NPHP4: variants seen among roughly 807,000 people sequenced by gnomAD.
NPHP4 encodes the protein nephrocystin 4, also known as nephrocystin-4.
NPHP4 carries 151 observed loss-of-function variants against 155.8 expected under a neutral mutation model. That is an observed-to-expected ratio of 0.97 (90% CI 0.85 to 1.11). The LOEUF is 1.11. NPHP4 is among the 50% of genes least tolerant of loss of function. The pLI is 0.00. For missense variants in NPHP4, 1,956 were observed against 1,925.7 expected, an observed-to-expected ratio of 1.02 and a Z score of -0.29; for synonymous variants, 845 against 816.8, an observed-to-expected ratio of 1.03 and a Z score of -0.59.
At position 5,925,886 on chromosome 1, in the gene NPHP4, A is replaced by G. The variant is rs537298777; in HGVS notation, c.1441+1763T>C. Among the ~76,000 whole-genome samples the G allele has an allele frequency of 2.0e-5, 3 of 152,334 alleles. No homozygotes were observed. The South Asian group carries it at 6.2e-4, about 32-fold the overall frequency. On this transcript the variant is annotated intron_variant, in intron 11 of 29. Transcript: ENST00000378156. Reference sequence around the variant, plus strand: ...TGCCTCGGCCTCCCAAAGTGCTGGGATTACAGGCGTGAGCCACCGTGCCTG... The same window carrying G: ...TGCCTCGGCCTCCCAAAGTGCTGGGGTTACAGGCGTGAGCCACCGTGCCTG...
chr1:5,958,354 A>C (rs1481780331), intron 6 of NPHP4, among the ~76,000 whole-genome samples: 4 of 152,068 alleles, frequency 2.6e-5, no homozygotes, highest in Non-Finnish European at 5.9e-5. Context: ...GGAGTTTGAG[A>C]CCAGCCTGGG....
chr1:5,924,425 T>C (rs1366464516), intron 11 of NPHP4, among the ~76,000 whole-genome samples: 4 of 151,922 alleles, frequency 2.6e-5, no homozygotes, highest in Admixed American at 2.6e-4. Flanking sequence ...TAAAGAATCA[T>C]TCTGGGCAAG....
At position 5,927,761 on chromosome 1, in the gene NPHP4, G is replaced by A. The variant is rs1410744379; in HGVS notation, c.1329C>T (p.Leu443=). 1 of 1,612,964 alleles carries A rather than the reference G, an allele frequency of 6.2e-7. No individual in the cohort carries two copies. The highest frequency in any genetic ancestry group is 2.2e-5 in the East Asian group (1 of 44,844). Residue 443 remains leucine (L), a synonymous_variant, in exon 11 of 30, where the codon CTC becomes CTT. Transcript: ENST00000378156. ...EEVKQVESGT[L]RFQFSLGSEE... Reference sequence around the variant, plus strand: ...CTGAGCCCAGCGAGAACTGGAACCGGAGTGTACCCGACTCCACCTGCTTCA... The same window carrying A: ...CTGAGCCCAGCGAGAACTGGAACCGAAGTGTACCCGACTCCACCTGCTTCA...
chr1:5,951,658 C>G (rs1648086994), intron 7 of NPHP4, among the ~76,000 whole-genome samples: 1 of 152,250 alleles, frequency 6.6e-6, no homozygotes, highest in South Asian at 2.1e-4. Context: ...AGACCTCATT[C>G]CAACACTATT....
chr1:5,912,500 T>C (rs1355774148), intron 11 of NPHP4, among the ~76,000 whole-genome samples: 2 of 137,294 alleles, frequency 1.5e-5, no homozygotes, highest in Non-Finnish European at 3.0e-5. Flanking sequence ...ATCGCGCCAC[T>C]GCACTCCAGC....
chr1:5,871,396 T>A (rs893781226), intron 23 of NPHP4, among the ~76,000 whole-genome samples: 1 of 152,132 alleles, frequency 6.6e-6, no homozygotes, highest in Non-Finnish European at 1.5e-5. Context: ...GCCGCAAACA[T>A]GGACTGTCTC....
At position 5,951,318 on chromosome 1, in the gene NPHP4, A is replaced by T. The variant is rs188587709; in HGVS notation, c.810+1382T>A. ...ACGAAAAGGGTGTGACGTGAAGAGG[A>T]CTCGACGCAACAGCAAGATGTTACC... is the stretch of plus-strand genomic sequence containing the variant. On this transcript the variant is annotated intron_variant, in intron 7 of 29. Coordinates refer to ENST00000378156, the MANE Select transcript of NPHP4 (RefSeq NM_015102.5). Among the ~76,000 whole-genome samples, 8 of 152,288 alleles carry T rather than the reference A, an allele frequency of 5.3e-5. No homozygotes were observed. The East Asian group carries it at 1.5e-3, about 29-fold the overall frequency.
At chr1:5,865,427 G>A (rs1170591272) in intron 26 of NPHP4, 154 bp from the exon 27 acceptor site, 8 of 630,318 alleles carry the variant, frequency 1.3e-5, no homozygotes, top group South Asian at 3.0e-5. Context: ...CTGGGGCCAC[G>A]CAGGGAAAGC....
intron 3 of NPHP4, among the ~76,000 whole-genome samples, chr1:5,977,648 G>A (rs1313683504): frequency 6.6e-6 from 1 of 150,942 alleles, no homozygotes; most frequent in Admixed American, 6.6e-5. Context: ...ATGCTGTGCA[G>A]TGAACCACAG....
intron 5 of NPHP4, among the ~76,000 whole-genome samples, chr1:5,964,941 A>ATATATATATATTTTTTTTTTTTTTTTTTT: frequency 6.7e-5 from 4 of 59,418 alleles, no homozygotes; most frequent in African/African-American, 1.7e-4. Context: ...ATATATATAT[A>ATATATATATATTTTTTTTTTTTTTTTTTT]TTTTTTTTTT....
In NPHP4 at chr1:5,961,899, T is replaced by G; in HGVS notation, c.568A>C (p.Lys190Gln). ...IENCSLQYTLKPHPALEPAFH... is the reference protein window; with the variant it reads ...IENCSLQYTLQPHPALEPAFH... ...GCAGGCTCCAGGGCCGGGTGTGGCT[T>G]CAGCGTGTACTGCAGGCTGCAGTTC... The change falls in exon 6 of 30, where the codon AAG (lysine) becomes CAG (glutamine). Residue 190 changes from lysine to glutamine, a missense_variant. Lys to Gln is a moderately conservative substitution (Grantham distance 53). Transcript: ENST00000378156. The G allele has an allele frequency of 6.8e-6, 11 of 1,613,798 alleles. No individual in the cohort carries two copies. The highest frequency in any genetic ancestry group is 9.3e-6 in the Non-Finnish European group (11 of 1,179,722).
rs775982800 is a variant in NPHP4 at position 5,948,078 on chromosome 1, G to A, written c.984C>T (p.Ser328=). 6.2e-7 allele frequency: 1 copy of A among 1,613,092 alleles called. No homozygotes were observed. Among genetic ancestry groups the A allele is most frequent in the South Asian group, 1.1e-5 (1 of 91,056 alleles). The change falls in exon 8 of 30, where the codon TCC becomes TCT. Residue 328 remains serine, a synonymous_variant. Transcript: ENST00000378156. ...GACCCAAGAGACAATACCTGGTCTT[G>A]GAAGAGGAGACCACTTTCCTGCTGA... ...ASFSRKVVSS[S]KTSSGSQALV...
At chr1:5,961,732 G>C (rs544437000) in intron 6 of NPHP4, 62 bp downstream of exon 6, 1 of 1,527,342 alleles carries the variant, frequency 6.5e-7, no homozygotes, top group Non-Finnish European at 8.9e-7. Context: ...TGCCTTCAAG[G>C]TTTCACTGTG....
At chr1:5,924,020 T>C (rs1301243217) in intron 11 of NPHP4, among the ~76,000 whole-genome samples, 2 of 152,184 alleles carry the variant, frequency 1.3e-5, no homozygotes, top group Non-Finnish European at 2.9e-5. Flanking sequence ...ACACTGAACA[T>C]GTTAAGTCAA....
In NPHP4 at chr1:5,907,194, G is replaced by A. The variant is rs761974713; in HGVS notation, c.1532C>T (p.Pro511Leu). 21 of 1,585,524 alleles carry A rather than the reference G, an allele frequency of 1.3e-5. No homozygotes were observed. The highest frequency in any genetic ancestry group is 3.5e-5 in the South Asian group (3 of 86,230). ...CAAGCAGTGCTGAGTCGGGGACCGCGGGGAGGCCGCCAGCTGGGAAATTGA... is the reference window on the plus strand; with the variant it reads ...CAAGCAGTGCTGAGTCGGGGACCGCAGGGAGGCCGCCAGCTGGGAAATTGA... ...GLSISQLAASPRSPTQHCLAR... is the reference protein window; with the variant it reads ...GLSISQLAASLRSPTQHCLAR... The change falls in exon 13 of 30, where the codon CCG becomes CTG. Residue 511 changes from proline (P) to leucine (L), a missense_variant. Transcript: ENST00000378156.
rs546786614 is a variant in NPHP4, at chr1:5,890,110, G to A, written c.2304+758C>T. On this transcript the variant is annotated intron_variant, in intron 17 of 29. Coordinates refer to ENST00000378156, the MANE Select transcript of NPHP4 (RefSeq NM_015102.5). The surrounding 1 kb of genome is among the most constrained non-coding windows in gnomAD (Gnocchi z 4.9). Reference sequence around the variant, plus strand: ...CTGGAGAGGACAGGAAGCCCCGGGGGTTCAGCCGTGTCAGGAATCCAGGAG... The same window carrying A: ...CTGGAGAGGACAGGAAGCCCCGGGGATTCAGCCGTGTCAGGAATCCAGGAG... 6.6e-6 allele frequency among the ~76,000 whole-genome samples: 1 copy of A among 152,266 alleles called. No homozygotes were observed. Among genetic ancestry groups the A allele is most frequent in the Admixed American group, 6.5e-5 (1 of 15,310 alleles).
chr1:5,915,224 G>C (rs960875315), intron 11 of NPHP4, among the ~76,000 whole-genome samples: 2 of 152,192 alleles, frequency 1.3e-5, no homozygotes, highest in East Asian at 3.9e-4. Context: ...TTGGGCCTTG[G>C]GCCTTGGGGG....
In NPHP4 at chr1:5,912,235, G is replaced by A. The variant is rs114620694; in HGVS notation, c.1442-3022C>T. Among the ~76,000 whole-genome samples, 422 of 152,304 alleles carry A rather than the reference G, an allele frequency of 2.8e-3. 3 individuals carry two copies. The highest frequency in any genetic ancestry group is 9.5e-3 in the African/African-American group (393 of 41,558). On this transcript the variant is annotated intron_variant, in intron 11 of 29. Coordinates refer to ENST00000378156, the MANE Select transcript of NPHP4 (RefSeq NM_015102.5). ...TGTGCAGAACTGGGAAGGCAGCCGCGGCAAGTTAAAAAGTGACGATAGGCC... is the reference window on the plus strand; with the variant it reads ...TGTGCAGAACTGGGAAGGCAGCCGCAGCAAGTTAAAAAGTGACGATAGGCC...
Position 5,968,404 on chromosome 1 carries a change from C to T in NPHP4, c.452+683G>A, listed in dbSNP as rs146880103. ...ATCTCTTGAGCCCAGGAGTTCAAGA[C>T]CAGCCTGGGCAACATAGGGAGATCC... On this transcript the variant is annotated intron_variant, in intron 4 of 29. Transcript: ENST00000378156. Among the ~76,000 whole-genome samples the T allele has an allele frequency of 8.2e-3, 1,255 of 152,266 alleles. 19 individuals carry two copies. Among genetic ancestry groups the T allele is most frequent in the African/African-American group, 0.028 (1,159 of 41,546 alleles).
Sources: gnomAD v4.1 joint callset for allele counts (sites outside exome capture counted in the v4.1 genomes callset) on GRCh38, gnomAD v4.1.1 for gene constraint, Gnocchi (gnomAD v3.1) non-coding constraint, MANE v1.5 for transcripts, NCBI Gene and HGNC (gene_info 2026-07-23, HGNC 2026-07-21) for gene names.